Variants in EXOC4 observed in about 807,000 individuals in gnomAD.
The protein encoded by EXOC4 is SEC8-like 1.
EXOC4 carries 71 observed loss-of-function variants against 107.2 expected under a neutral mutation model. The observed-to-expected ratio is 0.66, with a 90% CI of 0.55 to 0.81. The LOEUF (loss-of-function observed/expected upper bound fraction) is 0.81, where lower values mean the gene tolerates loss of function less well. Ranked by LOEUF, EXOC4 falls within the 30% of genes least tolerant of loss-of-function variation. EXOC4 has a pLI of 0.00. For synonymous variants in EXOC4, 456 were observed against 441.2 expected (o/e 1.03, Z -0.42); for missense variants, 1,108 against 1,189.6 (o/e 0.93, Z 1.01).
intron 11 of EXOC4, among the ~76,000 whole-genome samples, chr7:133,846,449 C>T (rs1013308736): frequency 1.1e-4 from 16 of 152,122 alleles, no homozygotes; most frequent in African/African-American, 3.6e-4. Context: ...TTAGAGAGTC[C>T]TTGCATGCTA....
chr7:133,255,186 C>T (rs1038819610), intron 1 of EXOC4, among the ~76,000 whole-genome samples: 6 of 149,886 alleles, frequency 4.0e-5, no homozygotes, highest in Non-Finnish European at 8.9e-5. Context: ...CTTTTCTTTT[C>T]TTTTTTTTTG....
chr7:133,338,132 T>C (rs745946094), intron 5 of EXOC4, among the ~76,000 whole-genome samples: 4 of 151,970 alleles, frequency 2.6e-5, no homozygotes, highest in African/African-American at 9.7e-5. Context: ...TGCTTTCTTT[T>C]GGTTTGTTAC....
At chr7:133,852,187 T>C (rs1201851614) in intron 11 of EXOC4, among the ~76,000 whole-genome samples, 2 of 152,054 alleles carry the variant, frequency 1.3e-5, no homozygotes, top group African/African-American at 4.8e-5. Flanking sequence ...TAAATAAATT[T>C]TTTATTCAAA....
At chr7:133,662,386 T>C (rs1018165333) in intron 10 of EXOC4, among the ~76,000 whole-genome samples, 5 of 152,132 alleles carry the variant, frequency 3.3e-5, no homozygotes, top group African/African-American at 9.7e-5. Flanking sequence ...AGAGAGTTAT[T>C]AAAAACTACA....
intron 17 of EXOC4, among the ~76,000 whole-genome samples, chr7:134,016,039 A>T (rs748192948): frequency 3.0e-4 from 45 of 152,190 alleles, no homozygotes; most frequent in Non-Finnish European, 5.1e-4. Flanking sequence ...GGAGTCAAGG[A>T]TGACTCTCCA....
intron 11 of EXOC4, among the ~76,000 whole-genome samples, chr7:133,849,644 T>A (rs1798201743): frequency 6.6e-6 from 1 of 152,216 alleles, no homozygotes; most frequent in South Asian, 2.1e-4. Context: ...ACATCACTAT[T>A]CTTATCACAA....
intron 11 of EXOC4, among the ~76,000 whole-genome samples, chr7:133,827,597 A>T (rs931912289): frequency 6.6e-6 from 1 of 152,224 alleles, no homozygotes; most frequent in Admixed American, 6.5e-5. Context: ...CACATTTTAT[A>T]AGGATCCTTA....
intron 9 of EXOC4, among the ~76,000 whole-genome samples, chr7:133,563,615 T>G (rs998366390): frequency 6.6e-6 from 1 of 152,200 alleles, no homozygotes; most frequent in African/African-American, 2.4e-5. Context: ...TGTAGCCTAG[T>G]TATGTGTAGC....
chr7:133,317,270 C>A lies in EXOC4; in HGVS notation c.657-14C>A. The A allele has an allele frequency of 6.3e-7, 1 of 1,592,324 alleles. No homozygotes were observed. The highest frequency in any genetic ancestry group is 8.6e-7 in the Non-Finnish European group (1 of 1,160,528). ...TTGAAGAAAGTGGTAACTAGTGCTT[C>A]TTTTCCCGTTCAGCTCCCTCGTGAA... On this transcript the variant is annotated splice_polypyrimidine_tract_variant and intron_variant, in intron 4 of 17. Coordinates refer to ENST00000253861, the MANE Select transcript of EXOC4 (RefSeq NM_021807.4).
chr7:133,426,258 GTTA>G (rs1563061120), intron 7 of EXOC4, among the ~76,000 whole-genome samples: 6 of 152,192 alleles, frequency 3.9e-5, no homozygotes, highest in African/African-American at 1.4e-4. Flanking sequence ...CCAGTTAGGG[GTTA>G]TGTGTCTGTA....
chr7:133,351,648 A>G (rs984776537), intron 5 of EXOC4, among the ~76,000 whole-genome samples: 9 of 151,914 alleles, frequency 5.9e-5, no homozygotes, highest in African/African-American at 1.9e-4. Flanking sequence ...TGATTTAATC[A>G]GTTTTTGGTA....
intron 14 of EXOC4, among the ~76,000 whole-genome samples, chr7:133,960,837 A>G (rs1421193574): frequency 1.3e-5 from 2 of 152,228 alleles, no homozygotes; most frequent in South Asian, 4.1e-4. Flanking sequence ...GTCAGCTGCA[A>G]TGACAAGCAC....
intron 10 of EXOC4, among the ~76,000 whole-genome samples, chr7:133,721,669 G>A (rs1035521161): frequency 5.3e-5 from 8 of 152,152 alleles, no homozygotes; most frequent in African/African-American, 1.4e-4. Flanking sequence ...GTAGTCATGG[G>A]TTAGGTTTAC....
chr7:133,393,654 C>T (rs1045555550), intron 7 of EXOC4, among the ~76,000 whole-genome samples: 7 of 152,250 alleles, frequency 4.6e-5, no homozygotes, highest in African/African-American at 1.2e-4. Flanking sequence ...AGAGCTCCCT[C>T]GACAGTTCTG....
At chr7:133,333,151 TC>T (rs1261623765) in intron 5 of EXOC4, among the ~76,000 whole-genome samples, 5 of 152,234 alleles carry the variant, frequency 3.3e-5, no homozygotes, top group African/African-American at 1.2e-4. Flanking sequence ...TGTGTCTTCT[TC>T]ATGTATTTCT....
intron 10 of EXOC4, among the ~76,000 whole-genome samples, chr7:133,674,397 A>T (rs2151060953): frequency 6.6e-6 from 1 of 152,304 alleles, no homozygotes. Context: ...ATACATTCAT[A>T]CACTTAATTT....
chr7:133,979,951 A>G (rs2116911843), intron 14 of EXOC4, among the ~76,000 whole-genome samples: 1 of 152,170 alleles, frequency 6.6e-6, no homozygotes, highest in African/African-American at 2.4e-5. Context: ...TGGCTTTCCT[A>G]CCAATCTACC....
chr7:133,365,360 A>C (rs1018160015), intron 6 of EXOC4, among the ~76,000 whole-genome samples: 27 of 152,196 alleles, frequency 1.8e-4, no homozygotes, highest in African/African-American at 6.5e-4. Flanking sequence ...AGGATTTCAA[A>C]AGAATGATAC....
chr7:133,540,046 A>G (rs1800349298), intron 9 of EXOC4, among the ~76,000 whole-genome samples: 1 of 152,142 alleles, frequency 6.6e-6, no homozygotes, highest in Non-Finnish European at 1.5e-5. Context: ...AGCAACCTCT[A>G]AAACCTGGGA....
Sources: gnomAD v4.1 joint callset for allele counts (sites outside exome capture counted in the v4.1 genomes callset) on GRCh38, gnomAD v4.1.1 for gene constraint, MANE v1.5 for transcripts, NCBI Gene and HGNC (gene_info 2026-07-23, HGNC 2026-07-21) for gene names.